The following ARHGAP27 variants were observed in gnomAD, a reference collection of about 807,000 sequenced individuals.
ARHGAP27 encodes Rho GTPase activating protein 27, also known as rho GTPase-activating protein 27.
Under a neutral mutation model 102.0 loss-of-function variants are expected in ARHGAP27, and 53 were observed. The ratio of observed to expected loss-of-function variants is 0.52; its 90% confidence interval spans 0.42 to 0.65. ARHGAP27 has a LOEUF of 0.65. Among genes scored for constraint, ARHGAP27 ranks in the 30% least tolerant of loss-of-function variants. The pLI is 0.00. For synonymous variants in ARHGAP27, 525 were observed against 542.8 expected (o/e 0.97, Z 0.46); for missense variants, 1,117 against 1,256.2 (o/e 0.89, Z 1.68).
chr17:45,400,862 C>A (rs2046354528), intron 12 of ARHGAP27, among the ~76,000 whole-genome samples: 1 of 152,136 alleles, frequency 6.6e-6, no homozygotes, highest in Admixed American at 6.6e-5. Context: ...TTGCAGTGAG[C>A]CAAGATTGCA....
In ARHGAP27 at chr17:45,397,937, G is replaced by A; in HGVS notation, c.1842+12C>T. ...CTCCCCACTGCCCCTAGAGGCCCTG[G>A]GCTCTGCTTACCAGCTCCTGGATGC... On this transcript the variant is annotated intron_variant, in intron 13 of 19. Transcript: ENST00000685559. 6.3e-7 allele frequency: 1 copy of A among 1,598,622 alleles called. No homozygotes were observed.
chr17:45,401,253 C>T (rs771515423), intron 12 of ARHGAP27, among the ~76,000 whole-genome samples: 1 of 152,102 alleles, frequency 6.6e-6, no homozygotes, highest in Non-Finnish European at 1.5e-5. Flanking sequence ...GTGGGAAGAT[C>T]GCTTGAGCCC....
intron 4 of ARHGAP27, among the ~76,000 whole-genome samples, chr17:45,411,827 C>T (rs1254479989): frequency 2.0e-5 from 3 of 148,080 alleles, no homozygotes; most frequent in African/African-American, 5.0e-5. Flanking sequence ...ACACTACACA[C>T]GTGTGCGTGC....
intron 4 of ARHGAP27, among the ~76,000 whole-genome samples, chr17:45,412,974 T>C (rs1373574533): frequency 1.4e-5 from 1 of 71,886 alleles, no homozygotes. Context: ...TTTTTTTTTT[T>C]TTTTTTTTTT....
intron 17 of ARHGAP27, 26 bp from the exon 18 acceptor site, chr17:45,396,143 G>C: frequency 1.2e-6 from 2 of 1,601,602 alleles, no homozygotes; most frequent in Non-Finnish European, 1.7e-6. Context: ...GGAGGAGGAC[G>C]GAAGGGAAAT....
At chr17:45,401,155 A>G (rs2046394119) in intron 12 of ARHGAP27, among the ~76,000 whole-genome samples, 4 of 152,130 alleles carry the variant, frequency 2.6e-5, no homozygotes, top group Admixed American at 2.6e-4. Flanking sequence ...CTGCCTGGGC[A>G]ACATAGTGAG....
At position 45,420,810 on chromosome 17, in the gene ARHGAP27, C is replaced by T. The variant is rs567353457; in HGVS notation, c.657+8813G>A. 2.0e-4 allele frequency among the ~76,000 whole-genome samples: 30 copies of T among 151,704 alleles called. No individual in the cohort carries two copies. In the East Asian group the frequency reaches 3.5e-3, roughly 18 times the overall value. ...TCTACTAAAAATACAAAAAATTAGC[C>T]GGGCATGTTGGGGGGCGCCTGTAGT... On this transcript the variant is annotated intron_variant, in intron 4 of 19. Transcript: ENST00000685559.
At chr17:45,416,455 TTCTC>T (rs954978962) in intron 4 of ARHGAP27, among the ~76,000 whole-genome samples, 5 of 151,894 alleles carry the variant, frequency 3.3e-5, no homozygotes, top group South Asian at 2.1e-4. Flanking sequence ...TTTTTCTCTT[TTCTC>T]TCTCTCTCTT....
chr17:45,425,181 G>A (rs2049453316), intron 4 of ARHGAP27, among the ~76,000 whole-genome samples: 1 of 151,818 alleles, frequency 6.6e-6, no homozygotes, highest in Non-Finnish European at 1.5e-5. Context: ...TGGGTCAGGT[G>A]TAAAGAAACC....
chr17:45,397,170 C>T (rs1484585069), intron 13 of ARHGAP27, 146 bp from the exon 14 acceptor site: 27 of 1,444,344 alleles, frequency 1.9e-5, no homozygotes, highest in Non-Finnish European at 2.4e-5. Flanking sequence ...ACCAGGTTAA[C>T]TCTCCTTACC....
intron 4 of ARHGAP27, among the ~76,000 whole-genome samples, chr17:45,411,863 C>T (rs1372249057): frequency 6.6e-6 from 1 of 152,116 alleles, no homozygotes; most frequent in East Asian, 1.9e-4. Context: ...AAGGGTTATG[C>T]AACCAGGCCT....
chr17:45,423,992 G>C (rs2049295577), intron 4 of ARHGAP27, among the ~76,000 whole-genome samples: 1 of 152,260 alleles, frequency 6.6e-6, no homozygotes, highest in Admixed American at 6.5e-5. Flanking sequence ...GGAGGAGAAA[G>C]GAAGGGGGAG....
At chr17:45,417,925 G>T (rs1259337561) in intron 4 of ARHGAP27, among the ~76,000 whole-genome samples, 2 of 151,436 alleles carry the variant, frequency 1.3e-5, no homozygotes, top group Admixed American at 1.3e-4. Context: ...ACAGTGGCAG[G>T]CGCCTATAGT....
chr17:45,395,467 G>C lies in ARHGAP27; in HGVS notation c.2659C>G (p.Pro887Ala). 1 of 1,564,262 alleles carries C rather than the reference G, an allele frequency of 6.4e-7. No homozygotes were observed. Among genetic ancestry groups the C allele is most frequent in the East Asian group, 2.4e-5 (1 of 42,004 alleles). ...LILQQCADIF[P>A]PH ...TCACAGGCCAGCAGTCAGTGCGGCG[G>C]GAAGATGTCCGCGCACTGCTGCAGG... is the stretch of plus-strand genomic sequence containing the variant. The change falls in exon 20 of 20, where the codon CCG (proline) becomes GCG (alanine). Residue 887 changes from proline to alanine, a missense_variant. By Grantham distance (27) the Pro-to-Ala change is conservative. Around this residue, in one of 3 missense-constraint regions of ARHGAP27, gnomAD observed 493 missense variants for 505.5 expected, o/e 0.98. Coordinates refer to ENST00000685559, the MANE Select transcript of ARHGAP27 (RefSeq NM_001282290.2).
chr17:45,395,098 C>T lies in ARHGAP27; in HGVS notation c.*358G>A. The T allele has an allele frequency of 3.3e-6, 1 of 301,694 alleles. No homozygotes were observed. Among genetic ancestry groups the T allele is most frequent in the East Asian group, 7.8e-5 (1 of 12,830 alleles). 18.7% of individuals were successfully genotyped at this position (301,694 alleles called of 1,614,324 possible). Reference sequence around the variant, plus strand: ...GTGAGGGCCAGAAGCAGCCAGGAAGCCCTCCATCAAACTCCTCCTCCCAGC... The same window carrying T: ...GTGAGGGCCAGAAGCAGCCAGGAAGTCCTCCATCAAACTCCTCCTCCCAGC... On this transcript the variant is annotated 3_prime_UTR_variant, in exon 20 of 20. Coordinates refer to ENST00000685559, the MANE Select transcript of ARHGAP27 (RefSeq NM_001282290.2).
intron 4 of ARHGAP27, among the ~76,000 whole-genome samples, chr17:45,406,643 A>G (rs1377788202): frequency 6.6e-6 from 1 of 152,192 alleles, no homozygotes; most frequent in East Asian, 1.9e-4. Context: ...TATGGTGCCC[A>G]TTCAGGGCCC....
At chr17:45,418,095 T>TC (rs369185777) in intron 4 of ARHGAP27, among the ~76,000 whole-genome samples, 9 of 150,360 alleles carry the variant, frequency 6.0e-5, no homozygotes, top group African/African-American at 2.2e-4. Flanking sequence ...TCTTTTTTTT[T>TC]CAGTTTTAAA....
At chr17:45,405,591 C>T in intron 5 of ARHGAP27, 85 bp downstream of exon 5, 1 of 1,486,598 alleles carries the variant, frequency 6.7e-7, no homozygotes, top group Non-Finnish European at 8.9e-7. Flanking sequence ...ACCCCCTCAC[C>T]CGTGTGTCCC....
chr17:45,419,512 GTATATATATATATATA>G (rs71136087), intron 4 of ARHGAP27, among the ~76,000 whole-genome samples: 16,444 of 119,876 alleles, frequency 0.14, 1,306 homozygotes, highest in Middle Eastern at 0.22. Context: ...TATGCTGTAT[GTATATATATATATATA>G]TATATATATA....
Sources: allele counts gnomAD v4.1 joint callset (sites outside exome capture counted in the v4.1 genomes callset), GRCh38; gene constraint gnomAD v4.1.1; regional missense constraint gnomAD v4.1.1; transcripts MANE v1.5; gene names NCBI Gene and HGNC (gene_info 2026-07-23, HGNC 2026-07-21).